The following BCL2 variants were observed in gnomAD, a reference collection of about 807,000 sequenced individuals.
The protein encoded by BCL2 is apoptosis regulator Bcl-2.
Under a neutral mutation model 14.2 loss-of-function variants are expected in BCL2, and 1 was observed. The ratio of observed to expected loss-of-function variants is 0.07; its 90% CI spans 0.02 to 0.33. The LOEUF is 0.33. Ranked by LOEUF, BCL2 falls within the 10% of genes least tolerant of loss-of-function variation. The pLI, the probability that BCL2 is intolerant of heterozygous loss-of-function variation, is 0.99. For missense variants in BCL2, 247 were observed against 305.9 expected (o/e 0.81, Z 1.44); for synonymous variants, 151 against 137.2 (o/e 1.10, Z -0.70).
intron 2 of BCL2, among the ~76,000 whole-genome samples, chr18:63,169,369 C>CTCTT (rs138933161): frequency 7.2e-5 from 5 of 69,538 alleles, no homozygotes; most frequent in African/African-American, 4.9e-4. Flanking sequence ...TTCTTTCTTT[C>CTCTT]TCTTTCTTTC....
intron 2 of BCL2, among the ~76,000 whole-genome samples, chr18:63,270,407 G>T: frequency 6.6e-6 from 1 of 152,084 alleles, no homozygotes; most frequent in East Asian, 1.9e-4. Flanking sequence ...GAAAGAAGAA[G>T]CTCTTAACCT....
Position 63,169,336 on chromosome 18 carries a change from C to CCTTTCTTTCT in BCL2, c.586-40587_586-40578dup, listed in dbSNP as rs1555697354. Among the ~76,000 whole-genome samples the CCTTTCTTTCT allele has an allele frequency of 8.1e-5, 5 of 62,054 alleles. 1 individual carries two copies. Among genetic ancestry groups the CCTTTCTTTCT allele is most frequent in the South Asian group, 1.3e-3 (2 of 1,532 alleles). The allele number at this position is 62,054 out of a possible 152,430, so 40.7% of individuals were successfully genotyped here. ...CCTTCCTTCCTTCTTTCCTTTCCTT[C>CCTTTCTTTCT]CTTTCTTTCTTTCTTTCTTTCTTTC... is the stretch of plus-strand genomic sequence containing the variant. On this transcript the variant is annotated intron_variant, in intron 2 of 2. Coordinates refer to ENST00000333681, the MANE Select transcript of BCL2 (RefSeq NM_000633.3).
intron 2 of BCL2, among the ~76,000 whole-genome samples, chr18:63,210,322 G>A (rs1408025304): frequency 6.6e-6 from 1 of 152,182 alleles, no homozygotes; most frequent in African/African-American, 2.4e-5. Context: ...GCTCACCCCT[G>A]TGGTTATCAT....
intron 2 of BCL2, among the ~76,000 whole-genome samples, chr18:63,289,479 G>C (rs918469930): frequency 1.3e-5 from 2 of 152,164 alleles, no homozygotes; most frequent in African/African-American, 4.8e-5. Context: ...TCAGAGCATA[G>C]CAATCTTGCT....
chr18:63,236,741 C>T (rs1168231591), intron 2 of BCL2, among the ~76,000 whole-genome samples: 1 of 152,066 alleles, frequency 6.6e-6, no homozygotes, highest in African/African-American at 2.4e-5. Flanking sequence ...AGATCGATGG[C>T]CTCCGTTCCA....
At chr18:63,273,610 G>C (rs114543987) in intron 2 of BCL2, among the ~76,000 whole-genome samples, 1,903 of 152,302 alleles carry the variant, frequency 0.012, 37 homozygotes, top group African/African-American at 0.041. Context: ...GCAGTCTCTT[G>C]AACTCTTTGG....
At chr18:63,155,857 G>C (rs967072307) in intron 2 of BCL2, among the ~76,000 whole-genome samples, 2 of 152,040 alleles carry the variant, frequency 1.3e-5, no homozygotes, top group Admixed American at 6.6e-5. Context: ...CTCCCTTCCT[G>C]GGGCCCTCAC....
chr18:63,299,809 C>CTT (rs1270027580), intron 2 of BCL2, among the ~76,000 whole-genome samples: 1 of 117,770 alleles, frequency 8.5e-6, no homozygotes. Flanking sequence ...TTTTTTTTTT[C>CTT]TTTTTCTTTT....
chr18:63,205,736 A>G (rs1327639304), intron 2 of BCL2, among the ~76,000 whole-genome samples: 4 of 152,262 alleles, frequency 2.6e-5, no homozygotes, highest in Non-Finnish European at 5.9e-5. Context: ...CTCATAAGTA[A>G]CACATTTGAC....
Sources: gnomAD v4.1 joint callset for allele counts (sites outside exome capture counted in the v4.1 genomes callset) on GRCh38, gnomAD v4.1.1 for gene constraint, MANE v1.5 for transcripts, NCBI Gene and HGNC (gene_info 2026-07-23, HGNC 2026-07-21) for gene names.